The following NRXN1 variants were observed in gnomAD, a reference collection of about 807,000 sequenced individuals.
NRXN1 encodes the protein neurexin-1.
In NRXN1, 39 loss-of-function variants were observed where a neutral mutation model predicts 150.9. The observed-to-expected ratio is 0.26, with a 90% CI of 0.20 to 0.34. NRXN1 has a LOEUF of 0.34. NRXN1 is among the 10% of genes least tolerant of loss of function. The pLI is 1.00. For missense variants in NRXN1, 1,815 were observed against 1,949.9 expected (o/e 0.93, Z 1.30); for synonymous variants, 924 against 757.0 (o/e 1.22, Z -3.62).
intron 2 of NRXN1, among the ~76,000 whole-genome samples, chr2:50,938,350 C>G (rs1272574329): frequency 6.6e-6 from 1 of 152,122 alleles, no homozygotes; most frequent in Non-Finnish European, 1.5e-5. Flanking sequence ...ATATGGAGTA[C>G]ATTGTTGACT....
intron 17 of NRXN1, among the ~76,000 whole-genome samples, chr2:50,265,754 T>C (rs977601793): frequency 5.3e-5 from 8 of 152,186 alleles, no homozygotes; most frequent in Non-Finnish European, 1.0e-4. Flanking sequence ...CGAGCATATG[T>C]CCTCCTCACC....
At chr2:50,431,134 T>G (rs1415469368) in intron 17 of NRXN1, among the ~76,000 whole-genome samples, 3 of 152,214 alleles carry the variant, frequency 2.0e-5, no homozygotes. Flanking sequence ...TGATCTCTTC[T>G]TCAAACATTA....
chr2:50,602,079 T>A (rs1676369657), intron 8 of NRXN1, among the ~76,000 whole-genome samples: 1 of 152,202 alleles, frequency 6.6e-6, no homozygotes, highest in Non-Finnish European at 1.5e-5. Flanking sequence ...AATGATCTCA[T>A]CTTTTTTATT....
At chr2:50,573,038 T>C (rs78756386) in intron 8 of NRXN1, among the ~76,000 whole-genome samples, 6,174 of 152,262 alleles carry the variant, frequency 0.041, 136 homozygotes, top group Middle Eastern at 0.12. Flanking sequence ...CAATGTACTT[T>C]TACGGTGAGT....
chr2:50,912,083 C>T (rs1290558073), intron 5 of NRXN1: 2 of 151,716 alleles, frequency 1.3e-5, no homozygotes, highest in African/African-American at 4.8e-5. Flanking sequence ...TTGTACATGT[C>T]ACTGCAAGGA....
chr2:50,156,899 T>C (rs1240994768), intron 18 of NRXN1, among the ~76,000 whole-genome samples: 2 of 152,038 alleles, frequency 1.3e-5, no homozygotes, highest in Non-Finnish European at 2.9e-5. Context: ...AATGTCCTTT[T>C]GGTTGTCTCT....
At chr2:50,188,165 C>T (rs1462291258) in intron 18 of NRXN1, among the ~76,000 whole-genome samples, 3 of 151,926 alleles carry the variant, frequency 2.0e-5, no homozygotes, top group Admixed American at 6.6e-5. Flanking sequence ...ATACTGATAC[C>T]AAAACAGATA....
At chr2:50,315,524 C>T (rs1461704833) in intron 17 of NRXN1, among the ~76,000 whole-genome samples, 1 of 152,104 alleles carries the variant, frequency 6.6e-6, no homozygotes. Flanking sequence ...AAATCTGTGG[C>T]ATTGCTGGTT....
intron 17 of NRXN1, among the ~76,000 whole-genome samples, chr2:50,259,556 T>C (rs1042546884): frequency 1.3e-5 from 2 of 151,838 alleles, no homozygotes; most frequent in Non-Finnish European, 2.9e-5. Flanking sequence ...TAAGAAGACA[T>C]CTTCAAATGA....
intron 17 of NRXN1, among the ~76,000 whole-genome samples, chr2:50,277,945 A>C (rs1350393573): frequency 1.3e-5 from 2 of 151,884 alleles, no homozygotes; most frequent in Non-Finnish European, 2.9e-5. Flanking sequence ...CAATTAAGTT[A>C]CCAGCACTGT....
intron 12 of NRXN1, among the ~76,000 whole-genome samples, chr2:50,513,250 T>C (rs767918784): frequency 6.6e-6 from 1 of 152,202 alleles, no homozygotes; most frequent in Non-Finnish European, 1.5e-5. Context: ...TAACAGTGCA[T>C]GAGTTCTGCA....
chr2:50,539,279 C>G (rs538753360), intron 9 of NRXN1, among the ~76,000 whole-genome samples: 1 of 152,248 alleles, frequency 6.6e-6, no homozygotes, highest in Non-Finnish European at 1.5e-5. Context: ...ATAATAATCA[C>G]TGTATAAATG....
chr2:50,860,039 T>G (rs1426549053), intron 5 of NRXN1, among the ~76,000 whole-genome samples: 1 of 152,080 alleles, frequency 6.6e-6, no homozygotes, highest in African/African-American at 2.4e-5. Flanking sequence ...TTTTAAAATC[T>G]AGTTTAGCAT....
chr2:50,660,997 G>A (rs1215099644), intron 5 of NRXN1, among the ~76,000 whole-genome samples: 1 of 152,016 alleles, frequency 6.6e-6, no homozygotes, highest in Non-Finnish European at 1.5e-5. Flanking sequence ...GTATGAAATT[G>A]TAAGGGAAAG....
chr2:50,637,753 G>A (rs1479675610), intron 5 of NRXN1, among the ~76,000 whole-genome samples: 1 of 152,070 alleles, frequency 6.6e-6, no homozygotes, highest in African/African-American at 2.4e-5. Context: ...TTTGTGGCTG[G>A]AATAGGGATG....
intron 5 of NRXN1, among the ~76,000 whole-genome samples, chr2:50,692,021 A>T (rs1692157541): frequency 6.6e-6 from 1 of 152,166 alleles, no homozygotes; most frequent in Non-Finnish European, 1.5e-5. Context: ...TCTTGGGGAG[A>T]TACGTCTGTG....
At chr2:50,224,096 T>A (rs141058708) in intron 18 of NRXN1, among the ~76,000 whole-genome samples, 1 of 152,062 alleles carries the variant, frequency 6.6e-6, no homozygotes, top group Non-Finnish European at 1.5e-5. Flanking sequence ...GGTCACAGAA[T>A]CTCTGGAATT....
At chr2:50,979,198 A>G in intron 2 of NRXN1, 1 of 504,952 alleles carries the variant, frequency 2.0e-6, no homozygotes, top group South Asian at 1.4e-5. Flanking sequence ...AATTACAGAA[A>G]GTAAGCGATT....
At chr2:50,857,263 A>C (rs1170464041) in intron 5 of NRXN1, among the ~76,000 whole-genome samples, 1 of 152,088 alleles carries the variant, frequency 6.6e-6, no homozygotes, top group Non-Finnish European at 1.5e-5. Context: ...ATAAACTAAA[A>C]AGGAAAGAAG....
Sources: gnomAD v4.1 joint callset for allele counts (sites outside exome capture counted in the v4.1 genomes callset) on GRCh38, gnomAD v4.1.1 for gene constraint, MANE v1.5 for transcripts, NCBI Gene and HGNC (gene_info 2026-07-23, HGNC 2026-07-21) for gene names.